The following SYT2 variants were observed in gnomAD, a reference collection of about 807,000 sequenced individuals.
SYT2 encodes the protein synaptotagmin-2.
A neutral mutation model predicts 39.9 loss-of-function variants in SYT2; 15 were observed. That is an observed-to-expected ratio of 0.38 (90% CI 0.25 to 0.58). The LOEUF is 0.58. Among genes scored for constraint, SYT2 ranks in the 20% least tolerant of loss-of-function variants. SYT2 has a pLI of 0.70. For missense variants in SYT2, 389 were observed against 530.3 expected, an observed-to-expected ratio of 0.73 and a Z score of 2.62; for synonymous variants, 181 against 204.5, an observed-to-expected ratio of 0.89 and a Z score of 0.98.
At chr1:202,667,773 C>A (rs1424713834) in intron 1 of SYT2, among the ~76,000 whole-genome samples, 1 of 151,972 alleles carries the variant, frequency 6.6e-6, no homozygotes, top group East Asian at 1.9e-4. Context: ...AGTGCAGTGG[C>A]ATGATCTTGG....
At chr1:202,611,109 G>C (rs1388053600) in intron 1 of SYT2, among the ~76,000 whole-genome samples, 2 of 152,134 alleles carry the variant, frequency 1.3e-5, no homozygotes, top group African/African-American at 4.8e-5. Flanking sequence ...TTGTAGTTTT[G>C]ATTTGCATTT....
In SYT2 at chr1:202,614,237, G is replaced by A. The variant is rs185440438; in HGVS notation, c.-17-8448C>T. ...TCTGCAGGCCAGGAATGAAGGGGGA[G>A]AACTGCATCTCAGGAGTGTTGGAGT... On this transcript the variant is annotated intron_variant, in intron 1 of 8. Transcript: ENST00000367268. This position sits in a 1 kb window ranked among gnomAD's most constrained non-coding sequence, Gnocchi z 4.0. 7.2e-5 allele frequency among the ~76,000 whole-genome samples: 11 copies of A among 152,348 alleles called. No homozygotes were observed. Among genetic ancestry groups the A allele is most frequent in the African/African-American group, 2.6e-4 (11 of 41,574 alleles).
chr1:202,700,150 TGGA>T (rs1175564010), intron 1 of SYT2, among the ~76,000 whole-genome samples: 1 of 152,274 alleles, frequency 6.6e-6, no homozygotes, highest in East Asian at 1.9e-4. Flanking sequence ...CAGGCAGCCC[TGGA>T]GGGAGCCTCA....
intron 1 of SYT2, among the ~76,000 whole-genome samples, chr1:202,705,015 C>T (rs989697315): frequency 6.6e-6 from 1 of 152,274 alleles, no homozygotes; most frequent in Non-Finnish European, 1.5e-5. Context: ...CACCCAGCCT[C>T]CTGCTTCTAC....
At chr1:202,608,915 T>C (rs777367233) in intron 1 of SYT2, among the ~76,000 whole-genome samples, 31 of 152,126 alleles carry the variant, frequency 2.0e-4, no homozygotes, top group Non-Finnish European at 4.0e-4. Context: ...TTAGGGTACA[T>C]GTGCACAATG....
intron 1 of SYT2, among the ~76,000 whole-genome samples, chr1:202,653,627 C>T (rs553518341): frequency 1.3e-5 from 2 of 152,294 alleles, no homozygotes; most frequent in South Asian, 4.1e-4. Context: ...TCTCCAAGCC[C>T]ACTCCCCACA....
chr1:202,674,999 C>G (rs1475534518), intron 1 of SYT2, among the ~76,000 whole-genome samples: 1 of 152,168 alleles, frequency 6.6e-6, no homozygotes, highest in Non-Finnish European at 1.5e-5. Context: ...TATTGTCTGT[C>G]CATGCCTCCC....
rs915360429 is a variant in SYT2, at chr1:202,632,198, G to A, written c.-17-26409C>T. On this transcript the variant is annotated intron_variant, in intron 1 of 8. Coordinates refer to ENST00000367268, the MANE Select transcript of SYT2 (RefSeq NM_177402.5). ...CACATTGCTGTGGGGGTCTCAGGAA[G>A]CCAAGTCTGGGCCCAGAAGGGAAAT... 1.2e-5 allele frequency: 7 copies of A among 572,784 alleles called. No homozygotes were observed. In the African/African-American group the frequency reaches 1.4e-4, roughly 12 times the overall value. The allele number at this position is 572,784 out of a possible 1,614,324, so 35.5% of individuals were successfully genotyped here.
At position 202,602,470 on chromosome 1, in the gene SYT2, C is replaced by T. The variant is rs567311430; in HGVS notation, c.541G>A (p.Val181Ile). 6 of 1,614,126 alleles carry T rather than the reference C, an allele frequency of 3.7e-6. No homozygotes were observed. The African/African-American group carries it at 5.3e-5, about 14-fold the overall frequency. Residue 181 changes from valine (V) to isoleucine (I), a missense_variant, in exon 5 of 9, where the codon GTC (valine) becomes ATC (isoleucine). This residue lies in a region of SYT2 where 280 missense variants were observed against 335.6 expected (regional missense o/e 0.83). Transcript: ENST00000367268. ...MGGTSDPYVK[V>I]FLLPDKKKKY... ...TTCTTCTTGTCAGGAAGGAGGAAGA[C>T]CTTGACATAAGGGTCTGAGGTGCCT...
chr1:202,657,741 C>A (rs1287016709), intron 1 of SYT2, among the ~76,000 whole-genome samples: 2 of 152,102 alleles, frequency 1.3e-5, no homozygotes, highest in Non-Finnish European at 2.9e-5. Context: ...GGGATCCCCT[C>A]ACTGTCCTTG....
intron 1 of SYT2, among the ~76,000 whole-genome samples, chr1:202,624,429 ATGTG>A (rs1185454490): frequency 1.1e-4 from 16 of 150,018 alleles, no homozygotes; most frequent in African/African-American, 3.9e-4. Flanking sequence ...TTTGTGTGGG[ATGTG>A]TGTGTAATAC....
intron 2 of SYT2, among the ~76,000 whole-genome samples, 197 bp from the exon 3 acceptor site, chr1:202,604,818 C>CTTTTTTT (rs59944538): frequency 2.8e-5 from 2 of 71,680 alleles, no homozygotes; most frequent in African/African-American, 1.1e-4. Context: ...TCATGCCTTG[C>CTTTTTTT]TTTTTTTTTT....
chr1:202,631,549 G>T (rs992557963), intron 1 of SYT2, among the ~76,000 whole-genome samples: 1 of 152,090 alleles, frequency 6.6e-6, no homozygotes, highest in Admixed American at 6.5e-5. Flanking sequence ...GTGGATCAGC[G>T]GTGCCTCTGC....
At chr1:202,668,333 T>C (rs1159135732) in intron 1 of SYT2, among the ~76,000 whole-genome samples, 1 of 152,194 alleles carries the variant, frequency 6.6e-6, no homozygotes, top group Non-Finnish European at 1.5e-5. Flanking sequence ...TCAGGTGTGA[T>C]GTGGGAGATA....
At chr1:202,672,774 GGA>G (rs1558456893) in intron 1 of SYT2, among the ~76,000 whole-genome samples, 1 of 23,826 alleles carries the variant, frequency 4.2e-5, no homozygotes, top group African/African-American at 7.7e-5. Context: ...AGAGAGGGAG[GGA>G]GGGAGAGAGA....
chr1:202,644,524 G>A (rs183051159), intron 1 of SYT2, among the ~76,000 whole-genome samples: 4 of 152,134 alleles, frequency 2.6e-5, no homozygotes, highest in Admixed American at 2.0e-4. Flanking sequence ...GCTGCTGTCC[G>A]GCCATTAACC....
chr1:202,705,849 T>C (rs1416932739), intron 1 of SYT2, among the ~76,000 whole-genome samples: 2 of 151,804 alleles, frequency 1.3e-5, no homozygotes, highest in Admixed American at 6.6e-5. Flanking sequence ...TGTGCCACCA[T>C]GCCCAGCTAA....
intron 1 of SYT2, among the ~76,000 whole-genome samples, chr1:202,630,583 A>G (rs563328551): frequency 6.6e-6 from 1 of 152,254 alleles, no homozygotes; most frequent in East Asian, 1.9e-4. Flanking sequence ...ACAGACCATG[A>G]TGGGACCCCT....
At chr1:202,664,994 G>A (rs901101850) in intron 1 of SYT2, among the ~76,000 whole-genome samples, 3 of 152,162 alleles carry the variant, frequency 2.0e-5, no homozygotes, top group Admixed American at 6.5e-5. Flanking sequence ...CATTCATGTC[G>A]TTACAGGTAA....
Sources: allele counts gnomAD v4.1 joint callset (sites outside exome capture counted in the v4.1 genomes callset), GRCh38; gene constraint gnomAD v4.1.1; regional missense constraint gnomAD v4.1.1; non-coding constraint Gnocchi (gnomAD v3.1); transcripts MANE v1.5; gene names NCBI Gene and HGNC (gene_info 2026-07-23, HGNC 2026-07-21).